Variants in GABRB3 observed in about 807,000 individuals in gnomAD.
The protein encoded by GABRB3 is gamma-aminobutyric acid receptor subunit beta-3.
GABRB3 carries 14 observed loss-of-function variants against 52.1 expected under a neutral mutation model. That is an observed-to-expected ratio of 0.27 (90% CI 0.18 to 0.42). The LOEUF is 0.42. GABRB3 is among the 10% of genes least tolerant of loss of function. The pLI is 1.00. For missense variants in GABRB3, 307 were observed against 609.1 expected (o/e 0.50, Z 5.22); for synonymous variants, 260 against 232.3 (o/e 1.12, Z -1.08).
chr15:26,770,806 A>T (rs1378741736), intron 3 of GABRB3, among the ~76,000 whole-genome samples: 1 of 152,248 alleles, frequency 6.6e-6, no homozygotes, highest in Non-Finnish European at 1.5e-5. Context: ...CACAGTGTGG[A>T]TCTTAAATGT....
At chr15:26,740,593 C>T (rs1335592273) in intron 3 of GABRB3, among the ~76,000 whole-genome samples, 1 of 152,166 alleles carries the variant, frequency 6.6e-6, no homozygotes, top group Non-Finnish European at 1.5e-5. Flanking sequence ...GGGACCAGGA[C>T]AACCTCCCTC....
intron 8 of GABRB3, among the ~76,000 whole-genome samples, chr15:26,554,093 G>GTATCAAGTATGTGTATA (rs1567096959): frequency 3.9e-5 from 1 of 25,778 alleles, no homozygotes; most frequent in South Asian, 9.2e-4. Context: ...GTGTATATAT[G>GTATCAAGTATGTGTATA]TATAAAGTGT....
intron 3 of GABRB3, among the ~76,000 whole-genome samples, chr15:26,652,495 A>G (rs1887228578): frequency 6.6e-5 from 10 of 152,236 alleles, no homozygotes; most frequent in Admixed American, 6.5e-4. Flanking sequence ...GAAAAATCAC[A>G]TGAATTTTAA....
chr15:26,687,009 G>A (rs1025189221), intron 3 of GABRB3, among the ~76,000 whole-genome samples: 2 of 152,246 alleles, frequency 1.3e-5, no homozygotes, highest in Non-Finnish European at 2.9e-5. Context: ...GGTGCACCAT[G>A]GGGCTCCATG....
intron 4 of GABRB3, among the ~76,000 whole-genome samples, chr15:26,611,023 T>TC (rs1351280197): frequency 6.6e-6 from 1 of 152,230 alleles, no homozygotes; most frequent in African/African-American, 2.4e-5. Flanking sequence ...AACAGCCGAA[T>TC]CTTCTGAGTT....
chr15:26,606,570 C>T (rs939827188), intron 4 of GABRB3, among the ~76,000 whole-genome samples: 5 of 151,986 alleles, frequency 3.3e-5, no homozygotes, highest in African/African-American at 1.2e-4. Context: ...AATGTTGAAA[C>T]CTTTTCTCTA....
chr15:26,684,336 G>A (rs768685837), intron 3 of GABRB3, among the ~76,000 whole-genome samples: 9 of 152,094 alleles, frequency 5.9e-5, no homozygotes, highest in Non-Finnish European at 1.2e-4. Context: ...AGGCAGGGAC[G>A]CGGAAATGCA....
At chr15:26,641,905 T>C (rs1893212171) in intron 3 of GABRB3, among the ~76,000 whole-genome samples, 1 of 152,002 alleles carries the variant, frequency 6.6e-6, no homozygotes, top group South Asian at 2.1e-4. Context: ...TTTTTTTTTT[T>C]TAGAGACAAG....
intron 4 of GABRB3, chr15:26,616,045 G>A: frequency 7.8e-7 from 1 of 1,289,130 alleles, no homozygotes; most frequent in Non-Finnish European, 1.0e-6. Context: ...CCTCCTCCAG[G>A]CCAGGGCCAT....
intron 3 of GABRB3, among the ~76,000 whole-genome samples, chr15:26,742,482 G>A (rs78702187): frequency 6.6e-6 from 1 of 151,920 alleles, no homozygotes; most frequent in African/African-American, 2.4e-5. Context: ...TTTAAAATGC[G>A]CAAGCTTTTG....
At chr15:26,654,544 C>T (rs2140596726) in intron 3 of GABRB3, among the ~76,000 whole-genome samples, 1 of 152,186 alleles carries the variant, frequency 6.6e-6, no homozygotes, top group East Asian at 2.0e-4. Flanking sequence ...TGCTTGAGGC[C>T]AGGAGTTTGT....
intron 4 of GABRB3, chr15:26,615,341 G>A (rs868595701): frequency 1.1e-5 from 11 of 985,598 alleles, no homozygotes; most frequent in Non-Finnish European, 1.3e-5. Context: ...TGCATACCCT[G>A]TCCAGAGCAT....
intron 3 of GABRB3, among the ~76,000 whole-genome samples, chr15:26,654,496 T>G (rs988419660): frequency 1.3e-5 from 2 of 151,024 alleles, no homozygotes; most frequent in Non-Finnish European, 2.9e-5. Flanking sequence ...AGCTCACACC[T>G]GTAATCCCAG....
chr15:26,647,277 C>A (rs1275062430), intron 3 of GABRB3, among the ~76,000 whole-genome samples: 4 of 152,176 alleles, frequency 2.6e-5, no homozygotes, highest in Non-Finnish European at 5.9e-5. Flanking sequence ...ATATGCTTTG[C>A]AAATATTTTA....
chr15:26,661,552 C>A (rs564452882), intron 3 of GABRB3, among the ~76,000 whole-genome samples: 3 of 152,134 alleles, frequency 2.0e-5, no homozygotes, highest in Admixed American at 6.5e-5. Context: ...GCTTGGGGAA[C>A]GCAGACAAAA....
intron 4 of GABRB3, among the ~76,000 whole-genome samples, chr15:26,603,272 T>G (rs1891654181): frequency 6.6e-6 from 1 of 151,914 alleles, no homozygotes; most frequent in Admixed American, 6.6e-5. Context: ...ATAAAAAGTC[T>G]CTCAGTAAAG....
intron 4 of GABRB3, among the ~76,000 whole-genome samples, chr15:26,585,985 T>A (rs1890969114): frequency 1.3e-5 from 2 of 152,128 alleles, no homozygotes; most frequent in Non-Finnish European, 2.9e-5. Flanking sequence ...AATTTTTTAA[T>A]TTTCTTTTTG....
chr15:26,638,261 G>A (rs927020050), intron 3 of GABRB3, among the ~76,000 whole-genome samples: 2 of 152,054 alleles, frequency 1.3e-5, no homozygotes, highest in African/African-American at 4.8e-5. Context: ...CAATATCTAG[G>A]CAGATGCAGC....
At chr15:26,595,911 G>A (rs540814152) in intron 4 of GABRB3, among the ~76,000 whole-genome samples, 19 of 152,114 alleles carry the variant, frequency 1.2e-4, no homozygotes, top group Non-Finnish European at 2.8e-4. Flanking sequence ...GGGTAATGGT[G>A]TGAGGATCCA....
Sources: gnomAD v4.1 joint callset for allele counts (sites outside exome capture counted in the v4.1 genomes callset) on GRCh38, gnomAD v4.1.1 for gene constraint, MANE v1.5 for transcripts, NCBI Gene and HGNC (gene_info 2026-07-23, HGNC 2026-07-21) for gene names.